SOX5: variants seen among roughly 807,000 people sequenced by gnomAD.
SOX5 encodes the protein transcription factor SOX-5.
Under a neutral mutation model 92.0 loss-of-function variants are expected in SOX5, and 9 were observed. The ratio of observed to expected loss-of-function variants is 0.10; its 90% CI spans 0.06 to 0.17. The LOEUF (loss-of-function observed/expected upper bound fraction) is 0.17. Among genes scored for constraint, SOX5 ranks in the 10% least tolerant of loss-of-function variants. The pLI, the probability that SOX5 is intolerant of heterozygous loss-of-function variation, is 1.00. For synonymous variants in SOX5, 344 were observed against 336.3 expected (o/e 1.02, Z -0.25); for missense variants, 642 against 944.5 (o/e 0.68, Z 4.20).
intron 6 of SOX5, among the ~76,000 whole-genome samples, chr12:23,710,389 G>A (rs111299355): frequency 0.033 from 4,925 of 147,976 alleles, 277 homozygotes; most frequent in African/African-American, 0.12. Context: ...TTCCCTCCCC[G>A]CTTCCCCTAC....
chr12:23,666,323 A>T (rs1273761642), intron 6 of SOX5, among the ~76,000 whole-genome samples: 2 of 152,094 alleles, frequency 1.3e-5, no homozygotes, highest in East Asian at 3.9e-4. Flanking sequence ...TTTGGAATAT[A>T]CTCTAATTTG....
intron 6 of SOX5, among the ~76,000 whole-genome samples, chr12:23,687,934 T>A (rs1465333743): frequency 6.6e-6 from 1 of 151,840 alleles, no homozygotes; most frequent in South Asian, 2.1e-4. Flanking sequence ...AGCCTGCCAC[T>A]GATCACCTTT....
chr12:24,236,211 T>C (rs112401512), intron 3 of SOX5, among the ~76,000 whole-genome samples: 1 of 151,594 alleles, frequency 6.6e-6, no homozygotes, highest in South Asian at 2.1e-4. Flanking sequence ...AATAAATAAA[T>C]AGATAAATAA....
At chr12:24,190,431 T>A (rs1228427358) in intron 4 of SOX5, among the ~76,000 whole-genome samples, 1 of 152,214 alleles carries the variant, frequency 6.6e-6, no homozygotes, top group African/African-American at 2.4e-5. Flanking sequence ...TAAAAACCTA[T>A]ACGGAGGTCT....
At chr12:23,942,668 T>TTGGG (rs1943878713) in intron 1 of SOX5, among the ~76,000 whole-genome samples, 1 of 151,698 alleles carries the variant, frequency 6.6e-6, no homozygotes, top group African/African-American at 2.4e-5. Flanking sequence ...CTTTTTTTTT[T>TTGGG]TTTTTGGCTC....
intron 1 of SOX5, among the ~76,000 whole-genome samples, chr12:23,946,294 AT>A (rs1260374049): frequency 6.6e-6 from 1 of 152,064 alleles, no homozygotes; most frequent in Non-Finnish European, 1.5e-5. Flanking sequence ...CTTTCTAGAC[AT>A]TATCAGAACT....
chr12:24,151,882 A>T (rs893375826), intron 4 of SOX5, among the ~76,000 whole-genome samples: 10 of 152,200 alleles, frequency 6.6e-5, no homozygotes, highest in African/African-American at 2.2e-4. Context: ...TAAATAAATA[A>T]ATAAAATAAG....
At chr12:23,819,062 T>C (rs1489824484) in intron 3 of SOX5, among the ~76,000 whole-genome samples, 1 of 152,240 alleles carries the variant, frequency 6.6e-6, no homozygotes. Flanking sequence ...ATAAAAATGA[T>C]GGCATAGTAA....
At chr12:23,899,320 G>T (rs2097208339) in intron 1 of SOX5, among the ~76,000 whole-genome samples, 1 of 151,028 alleles carries the variant, frequency 6.6e-6, no homozygotes, top group Non-Finnish European at 1.5e-5. Context: ...AGAATCACTT[G>T]AACCTGGGAG....
intron 6 of SOX5, among the ~76,000 whole-genome samples, chr12:23,682,440 T>C (rs1369672232): frequency 6.6e-6 from 1 of 151,828 alleles, no homozygotes. Context: ...TGATCCTTTG[T>C]TTCTAAATAT....
chr12:24,034,199 C>G (rs1421298149), intron 4 of SOX5, among the ~76,000 whole-genome samples: 2 of 152,052 alleles, frequency 1.3e-5, no homozygotes, highest in Non-Finnish European at 2.9e-5. Flanking sequence ...ATTCAGCTTC[C>G]AGAGAATGAG....
At chr12:23,725,088 C>T (rs755657480) in intron 6 of SOX5, among the ~76,000 whole-genome samples, 5 of 152,030 alleles carry the variant, frequency 3.3e-5, no homozygotes, top group African/African-American at 4.8e-5. Flanking sequence ...CCTAGGTATT[C>T]GCCACAGAAA....
At chr12:23,686,723 T>C (rs924686093) in intron 6 of SOX5, among the ~76,000 whole-genome samples, 11 of 152,146 alleles carry the variant, frequency 7.2e-5, no homozygotes, top group Non-Finnish European at 1.6e-4. Flanking sequence ...GGAAATTCTT[T>C]TTCCTTTTTT....
At chr12:24,523,329 A>C (rs1950417466) in intron 1 of SOX5, among the ~76,000 whole-genome samples, 1 of 152,182 alleles carries the variant, frequency 6.6e-6, no homozygotes, top group South Asian at 2.1e-4. Flanking sequence ...ATGATCTACA[A>C]ATTAGATGCA....
intron 1 of SOX5, among the ~76,000 whole-genome samples, chr12:24,549,136 T>C (rs934641985): frequency 6.6e-6 from 1 of 152,224 alleles, no homozygotes; most frequent in East Asian, 1.9e-4. Context: ...ATCTTTAAAA[T>C]GTGACATTTT....
intron 3 of SOX5, among the ~76,000 whole-genome samples, chr12:24,248,591 G>A (rs781323320): frequency 5.3e-5 from 8 of 152,026 alleles, no homozygotes; most frequent in Non-Finnish European, 1.2e-4. Flanking sequence ...TACCATGTTG[G>A]CCAGGCTGGT....
In SOX5 at chr12:23,937,242, A is replaced by G. The variant is rs540653580; in HGVS notation, c.38+12322T>C. ...TTTATGTTTTGCCTACTCTAATGCT[A>G]AGGAACAGTCTATAATAGCTCTTGC... is the stretch of plus-strand genomic sequence containing the variant. On this transcript the variant is annotated intron_variant, in intron 1 of 14. Coordinates refer to ENST00000451604, the MANE Select transcript of SOX5 (RefSeq NM_006940.6). Among the ~76,000 whole-genome samples, 4 of 150,972 alleles carry G rather than the reference A, an allele frequency of 2.6e-5. No individual in the cohort carries two copies. The East Asian group carries it at 7.8e-4, about 29-fold the overall frequency.
At chr12:23,937,055 G>A (rs1942732475) in intron 1 of SOX5, among the ~76,000 whole-genome samples, 1 of 150,740 alleles carries the variant, frequency 6.6e-6, no homozygotes, top group Non-Finnish European at 1.5e-5. Flanking sequence ...GAGCTAAGAA[G>A]GTCTCAATAT....
Position 23,892,873 on chromosome 12 carries a change from T to C in SOX5, c.270+2920A>G, listed in dbSNP as rs1454325485. Among the ~76,000 whole-genome samples the C allele has an allele frequency of 2.0e-5, 3 of 152,118 alleles. No individual in the cohort carries two copies. In the East Asian group the frequency reaches 5.8e-4, roughly 29 times the overall value. On this transcript the variant is annotated intron_variant, in intron 2 of 14. Coordinates refer to ENST00000451604, the MANE Select transcript of SOX5 (RefSeq NM_006940.6). ...TCTGATATGCTGACATATAGAAAAATTCTCAATTCGTTTTTAGGAGAACTA... is the reference window on the plus strand; with the variant it reads ...TCTGATATGCTGACATATAGAAAAACTCTCAATTCGTTTTTAGGAGAACTA...
Sources: gnomAD v4.1 joint callset for allele counts (sites outside exome capture counted in the v4.1 genomes callset) on GRCh38, gnomAD v4.1.1 for gene constraint, MANE v1.5 for transcripts, NCBI Gene and HGNC (gene_info 2026-07-23, HGNC 2026-07-21) for gene names.